C6: variants seen among roughly 807,000 people sequenced by gnomAD.
The protein encoded by C6 is complement C6.
A neutral mutation model predicts 112.9 loss-of-function variants in C6; 101 were observed. The observed-to-expected ratio is 0.89, with a 90% CI of 0.76 to 1.06. C6 has a LOEUF of 1.06. C6 is among the 50% of genes least tolerant of loss of function. C6 has a pLI of 0.00. For synonymous variants in C6, 431 were observed against 384.1 expected, an observed-to-expected ratio of 1.12 and a Z score of -1.43; for missense variants, 1,202 against 1,104.6, an observed-to-expected ratio of 1.09 and a Z score of -1.25.
upstream of C6, among the ~76,000 whole-genome samples, chr5:41,217,866 G>A (rs1049838034): frequency 6.6e-6 from 1 of 152,064 alleles, no homozygotes; most frequent in African/African-American, 2.4e-5. Context: ...AGACTCTTGG[G>A]TCAGCTTTCT....
intron 1 of C6, among the ~76,000 whole-genome samples, chr5:41,234,451 C>T (rs1221237920): frequency 6.6e-6 from 1 of 150,608 alleles, no homozygotes; most frequent in Non-Finnish European, 1.5e-5. Flanking sequence ...ATATTTCCCA[C>T]ATGCTTGGTC....
At chr5:41,154,129 T>G (rs758970753) in intron 14 of C6, 131 bp from the exon 15 acceptor site, 11 of 751,234 alleles carry the variant, frequency 1.5e-5, no homozygotes, top group Non-Finnish European at 1.9e-5. Flanking sequence ...TGCCTCCTTT[T>G]GATCAGAAAA....
In C6 at chr5:41,198,891, C is replaced by G. The variant is rs145555502; in HGVS notation, c.445+877G>C. ...ATGATCAGGTCTGTATTACCCTCAG[C>G]CATTCTCATTCGGATTTTGCTCTGA... On this transcript the variant is annotated intron_variant, in intron 4 of 17. Coordinates refer to ENST00000337836, the MANE Select transcript of C6 (RefSeq NM_000065.5). Among the ~76,000 whole-genome samples, 371 of 152,228 alleles carry G rather than the reference C, an allele frequency of 2.4e-3. 4 individuals are homozygous for G. The East Asian group carries it at 0.054, about 22-fold the overall frequency.
intron 1 of C6, among the ~76,000 whole-genome samples, chr5:41,221,354 G>C (rs185130974): frequency 6.6e-6 from 1 of 152,220 alleles, no homozygotes; most frequent in Admixed American, 6.5e-5. Context: ...TCGTGGGGTT[G>C]GTGAAATATT....
chr5:41,192,605 T>A (rs988447420), intron 5 of C6, among the ~76,000 whole-genome samples: 8 of 151,974 alleles, frequency 5.3e-5, no homozygotes, highest in African/African-American at 1.9e-4. Context: ...CTTGGTAAGT[T>A]TTTTTTTGTA....
At chr5:41,236,581 G>A (rs1042868677) in intron 1 of C6, among the ~76,000 whole-genome samples, 1 of 111,012 alleles carries the variant, frequency 9.0e-6, no homozygotes, top group Non-Finnish European at 1.9e-5. Flanking sequence ...AAAGCAGTGT[G>A]TAGAGGGAAA....
intron 1 of C6, among the ~76,000 whole-genome samples, chr5:41,221,051 C>T (rs1739138531): frequency 6.7e-6 from 1 of 149,660 alleles, no homozygotes; most frequent in African/African-American, 2.5e-5. Context: ...AAAATAGAAA[C>T]ACAAGACTTA....
intron 1 of C6, among the ~76,000 whole-genome samples, chr5:41,244,515 A>G (rs1344185931): frequency 7.2e-5 from 11 of 152,184 alleles, no homozygotes; most frequent in Admixed American, 6.5e-4. Flanking sequence ...ATACCTTGCT[A>G]TGTAGCTTCT....
intron 1 of C6, among the ~76,000 whole-genome samples, chr5:41,246,476 G>T (rs1398204875): frequency 2.0e-5 from 3 of 152,136 alleles, no homozygotes; most frequent in Non-Finnish European, 4.4e-5. Context: ...ATATGTGCAG[G>T]CAGAGAGTGT....
intron 9 of C6, among the ~76,000 whole-genome samples, chr5:41,163,714 G>A (rs930947245): frequency 6.6e-6 from 1 of 152,058 alleles, no homozygotes; most frequent in Non-Finnish European, 1.5e-5. Flanking sequence ...TTTTACATTT[G>A]CATATTTTAA....
Position 41,155,056 on chromosome 5 carries a change from G to A in C6, c.2017C>T (p.Leu673Phe). Residue 673 changes from leucine to phenylalanine, a missense_variant, in exon 14 of 18, where the codon CTT becomes TTT. Transcript: ENST00000337836. The stretch of plus-strand genomic sequence containing the variant: ...TATCCAACAGTTTCAAAGCCAGTAA[G>A]GCATGAAATTTCAACATCTTCTCCA... Reference protein sequence around the residue: ...LVGEDVEISCLTGFETVGYQY... With the variant: ...LVGEDVEISCFTGFETVGYQY... 6.2e-7 allele frequency: 1 copy of A among 1,613,460 alleles called. No individual in the cohort carries two copies. The highest frequency in any genetic ancestry group is 8.5e-7 in the Non-Finnish European group (1 of 1,179,514).
Position 41,157,800 on chromosome 5 carries a change from G to A in C6, c.1968+874C>T, listed in dbSNP as rs558090971. On this transcript the variant is annotated intron_variant, in intron 13 of 17. Transcript: ENST00000337836. ...GGTCCTTTGGCGCATTGTTGAGTTT[G>A]AGAACCTATTTTCTAGAGTAAAGAC... Among the ~76,000 whole-genome samples, 37 of 152,300 alleles carry A rather than the reference G, an allele frequency of 2.4e-4. No homozygotes were observed. The South Asian group carries it at 6.8e-3, about 28-fold the overall frequency.
At chr5:41,208,871 T>A (rs1421013381) in intron 1 of C6, among the ~76,000 whole-genome samples, 2 of 152,146 alleles carry the variant, frequency 1.3e-5, no homozygotes, top group African/African-American at 4.8e-5. Flanking sequence ...ACTCATTTTA[T>A]GAGGCCAGCA....
At chr5:41,181,227 GA>G in intron 7 of C6, 131 bp downstream of exon 7, 1 of 795,646 alleles carries the variant, frequency 1.3e-6, no homozygotes, top group Non-Finnish European at 2.0e-6. Context: ...ACAAAAAATG[GA>G]AAAATTACTT....
chr5:41,192,953 T>A (rs1750332156), intron 5 of C6, among the ~76,000 whole-genome samples: 1 of 152,188 alleles, frequency 6.6e-6, no homozygotes, highest in Non-Finnish European at 1.5e-5. Context: ...TCTAAAATTA[T>A]ATCATGGTGA....
chr5:41,253,299 T>C (rs1219931547), intron 1 of C6, among the ~76,000 whole-genome samples: 1 of 152,188 alleles, frequency 6.6e-6, no homozygotes, highest in Non-Finnish European at 1.5e-5. Context: ...TTGCTGGGCC[T>C]CAGGTGGTTT....
chr5:41,249,864 A>G (rs1405503595), intron 1 of C6, among the ~76,000 whole-genome samples: 1 of 152,220 alleles, frequency 6.6e-6, no homozygotes, highest in Non-Finnish European at 1.5e-5. Context: ...AGGAGTACTC[A>G]TAAGAAAACT....
intron 1 of C6, among the ~76,000 whole-genome samples, chr5:41,257,709 C>T (rs1177104298): frequency 2.0e-5 from 3 of 152,168 alleles, no homozygotes; most frequent in Non-Finnish European, 4.4e-5. Context: ...CTTTTGTAGG[C>T]ACATACTCTG....
At chr5:41,173,104 C>T (rs1352805252) in intron 8 of C6, among the ~76,000 whole-genome samples, 2 of 152,140 alleles carry the variant, frequency 1.3e-5, no homozygotes, top group African/African-American at 4.8e-5. Flanking sequence ...TTCAAAAGGC[C>T]ACATTCTCAC....
Sources: gnomAD v4.1 joint callset for allele counts (sites outside exome capture counted in the v4.1 genomes callset) on GRCh38, gnomAD v4.1.1 for gene constraint, MANE v1.5 for transcripts, NCBI Gene and HGNC (gene_info 2026-07-23, HGNC 2026-07-21) for gene names.